Variants in PTPN20 observed in about 807,000 individuals in gnomAD.
PTPN20 encodes tyrosine-protein phosphatase non-receptor type 20.
In PTPN20, 9 loss-of-function variants were observed where a neutral mutation model predicts 35.0. That is an observed-to-expected ratio of 0.26 (90% CI 0.15 to 0.45). The LOEUF (loss-of-function observed/expected upper bound fraction) is 0.45. Ranked by LOEUF, PTPN20 falls within the 20% of genes least tolerant of loss-of-function variation. The pLI is 1.00. For synonymous variants in PTPN20, 32 were observed against 100.2 expected (o/e 0.32, Z 4.06); for missense variants, 111 against 312.5 (o/e 0.36, Z 4.86).
chr10:46,940,555 T>G, intron 2 of PTPN20, 68 bp from the exon 3 acceptor site: 1 of 1,495,796 alleles, frequency 6.7e-7, no homozygotes. Flanking sequence ...TTTTTCTCAT[T>G]AAGGCTCCAT....
intron 7 of PTPN20, among the ~76,000 whole-genome samples, chr10:46,968,531 G>A (rs572653379): frequency 1.1e-3 from 169 of 152,222 alleles, no homozygotes; most frequent in African/African-American, 3.7e-3. Flanking sequence ...GCTTCCCTGT[G>A]TTGGATGGGA....
At chr10:46,954,929 A>C (rs2048006936) in intron 5 of PTPN20, among the ~76,000 whole-genome samples, 1 of 151,600 alleles carries the variant, frequency 6.6e-6, no homozygotes, top group South Asian at 2.1e-4. Flanking sequence ...TTAGGAACAA[A>C]GATAACAATA....
In PTPN20 at chr10:46,946,644, G is replaced by T; in HGVS notation, c.309G>T (p.Gly103=). The stretch of plus-strand genomic sequence containing the variant: ...GCAGTGAGGATGAGGAGGCTGCAGG[G>T]CCATCACAGGCTCTCTCCCCTCTAC... ...RWSSEDEEAA[G]PSQALSPLLS... The change falls in exon 5 of 11, where the codon GGG becomes GGT. Residue 103 remains glycine (G), a synonymous_variant. Transcript: ENST00000374339. The T allele has an allele frequency of 1.9e-6, 3 of 1,611,276 alleles. No homozygotes were observed. The South Asian group carries it at 3.3e-5, about 18-fold the overall frequency.
At chr10:46,953,888 T>C (rs1183384814) in intron 5 of PTPN20, among the ~76,000 whole-genome samples, 1 of 137,152 alleles carries the variant, frequency 7.3e-6, no homozygotes, top group African/African-American at 3.1e-5. Flanking sequence ...TTGTGATATC[T>C]TTTTCCGGTT....
chr10:46,953,992 T>C (rs1481357203), intron 5 of PTPN20, among the ~76,000 whole-genome samples: 21 of 126,474 alleles, frequency 1.7e-4, no homozygotes, highest in Middle Eastern at 3.9e-3. Context: ...ATTGGTAGTA[T>C]TGCTTCCTTA....
chr10:47,003,409 A>G (rs1325990047), downstream of PTPN20, among the ~76,000 whole-genome samples: 22 of 152,130 alleles, frequency 1.4e-4, no homozygotes, highest in African/African-American at 4.6e-4. Context: ...TGCTGTAAAT[A>G]TTGGAAAGCT....
chr10:46,921,703 A>C (rs1555108592), intron 1 of PTPN20, among the ~76,000 whole-genome samples: 1 of 110,576 alleles, frequency 9.0e-6, no homozygotes, highest in Non-Finnish European at 1.8e-5. Context: ...CTGTGAGTCC[A>C]ACCTTACTTA....
chr10:46,996,844 C>A (rs1163617304), intron 9 of PTPN20, among the ~76,000 whole-genome samples: 1 of 152,140 alleles, frequency 6.6e-6, no homozygotes, highest in Non-Finnish European at 1.5e-5. Flanking sequence ...GTGTGTCTAT[C>A]CTTCTGCCGG....
rs2060103069 is a variant in PTPN20, at chr10:47,002,229, TTCTC to T, written c.*1492_*1495del. 6.6e-6 allele frequency: 1 copy of T among 152,396 alleles called. No individual in the cohort carries two copies. The highest frequency in any genetic ancestry group is 2.4e-5 in the African/African-American group (1 of 41,438). The allele number at this position is 152,396 out of a possible 1,614,324, so 9.4% of individuals were successfully genotyped here. On this transcript the variant is annotated 3_prime_UTR_variant, in exon 11 of 11. Coordinates refer to ENST00000374339, the MANE Select transcript of PTPN20 (RefSeq NM_001042357.5). ...TAATATTTGTATCTCTAATTTTATTTTCTCTCTGTTACTGTAAAATAATAGCTAT... is the reference window on the plus strand; with the variant it reads ...TAATATTTGTATCTCTAATTTTATTTTCTGTTACTGTAAAATAATAGCTAT...
chr10:46,975,744 C>T (rs1199799247), intron 7 of PTPN20, among the ~76,000 whole-genome samples: 10 of 152,278 alleles, frequency 6.6e-5, no homozygotes, highest in African/African-American at 2.4e-4. Flanking sequence ...TCACCGCACC[C>T]TTTGCCTCCT....
In PTPN20 at chr10:47,000,727, C is replaced by A; in HGVS notation, c.1249C>A (p.Leu417Met). ...TGTGCTTGAAGTTCTTCGGAAACTTCTGACTTTGGATTAAGAAAGACTTCT... is the reference window on the plus strand; with the variant it reads ...TGTGCTTGAAGTTCTTCGGAAACTTATGACTTTGGATTAAGAAAGACTTCT... ...DIVLEVLRKL[L>M]TLD is the part of the protein sequence containing the mutation. Residue 417 changes from leucine (L) to methionine (M), a missense_variant, in exon 11 of 11, where the codon CTG becomes ATG. Leu to Met is a conservative substitution (Grantham distance 15). Around this residue, in one of 5 missense-constraint regions of PTPN20, gnomAD observed 61 missense variants for 54.3 expected, o/e 1.12. Transcript: ENST00000374339. 1 of 1,613,570 alleles carries A rather than the reference C, an allele frequency of 6.2e-7. No homozygotes were observed. Among genetic ancestry groups the A allele is most frequent in the African/African-American group, 1.3e-5 (1 of 75,010 alleles).
intron 2 of PTPN20, among the ~76,000 whole-genome samples, chr10:46,939,783 T>C (rs1250312311): frequency 6.6e-5 from 10 of 150,520 alleles, no homozygotes; most frequent in Admixed American, 4.0e-4. Context: ...TGTCCCTTCA[T>C]TGATATTTCT....
intron 5 of PTPN20, among the ~76,000 whole-genome samples, chr10:46,949,535 C>A (rs1458821245): frequency 6.6e-6 from 1 of 151,570 alleles, no homozygotes; most frequent in Non-Finnish European, 1.5e-5. Context: ...CTAATGGGTT[C>A]AATAAAATTT....
chr10:47,000,576 A>G, intron 10 of PTPN20, 100 bp from the exon 11 acceptor site: 1 of 1,417,834 alleles, frequency 7.1e-7, no homozygotes, highest in Non-Finnish European at 9.8e-7. Flanking sequence ...CTTTTTAGGA[A>G]CTTTCCAGTG....
chr10:46,949,321 G>A (rs2045968398), intron 5 of PTPN20, among the ~76,000 whole-genome samples: 1 of 152,332 alleles, frequency 6.6e-6, no homozygotes, highest in South Asian at 2.1e-4. Flanking sequence ...ACGCTGTTCT[G>A]TACTGTCACA....
chr10:47,000,021 A>G (rs782637997), intron 10 of PTPN20, 47 bp downstream of exon 10: 107 of 1,609,422 alleles, frequency 6.6e-5, no homozygotes, highest in Non-Finnish European at 8.8e-5. Context: ...GAATATAAAG[A>G]TTAACATTGC....
Position 46,931,593 on chromosome 10 carries a change from C to T in PTPN20, c.-123-784C>T, listed in dbSNP as rs1189385245. On this transcript the variant is annotated intron_variant, in intron 1 of 10. Transcript: ENST00000374339. ...GTAGAGACAGGATTTCACCCAATTG[C>T]CCCAGCTGGTCTCAAACTCCTGAGC... Among the ~76,000 whole-genome samples, 60 of 143,568 alleles carry T rather than the reference C, an allele frequency of 4.2e-4. 16 individuals carry two copies. Among genetic ancestry groups the T allele is most frequent in the African/African-American group, 1.7e-3 (59 of 34,652 alleles). 94.2% of individuals were successfully genotyped at this position (143,568 alleles called of 152,430 possible). A position where few individuals can be genotyped will look rare whatever the true frequency, so the allele number is the denominator to read the frequency against.
At chr10:46,999,781 A>T in intron 9 of PTPN20, 131 bp from the exon 10 acceptor site, 1 of 1,097,250 alleles carries the variant, frequency 9.1e-7, no homozygotes, top group South Asian at 1.4e-5. Context: ...TAAAAATAGC[A>T]CATTTTCTTG....
Position 46,935,957 on chromosome 10 carries a change from A to AT in PTPN20, c.34+3434dup, listed in dbSNP as rs1223217275. 4.1e-4 allele frequency among the ~76,000 whole-genome samples: 61 copies of AT among 147,966 alleles called. No individual in the cohort carries two copies. In the East Asian group the frequency reaches 7.3e-3, roughly 18 times the overall value. On this transcript the variant is annotated intron_variant, in intron 2 of 10. Coordinates refer to ENST00000374339, the MANE Select transcript of PTPN20 (RefSeq NM_001042357.5). Reference sequence around the variant, plus strand: ...CCCTTTTCTCTGTAACCTCACAAACATTTTTTTTTTAATTTTTACTTTTTA... The same window carrying AT: ...CCCTTTTCTCTGTAACCTCACAAACATTTTTTTTTTTAATTTTTACTTTTTA...
Sources: allele counts gnomAD v4.1 joint callset (sites outside exome capture counted in the v4.1 genomes callset), GRCh38; gene constraint gnomAD v4.1.1; regional missense constraint gnomAD v4.1.1; transcripts MANE v1.5; gene names NCBI Gene and HGNC (gene_info 2026-07-23, HGNC 2026-07-21).